The following PCDHGA6 variants were observed in gnomAD, a reference collection of about 807,000 sequenced individuals.
PCDHGA6 encodes the protein protocadherin gamma-A6.
A neutral mutation model predicts 60.6 loss-of-function variants in PCDHGA6; 41 were observed. The observed-to-expected ratio is 0.68, with a 90% confidence interval of 0.53 to 0.88. PCDHGA6 has a LOEUF of 0.88. PCDHGA6 is among the 40% of genes least tolerant of loss of function. The pLI, the probability that PCDHGA6 is intolerant of heterozygous loss-of-function variation, is 0.00. For missense variants in PCDHGA6, 1,312 were observed against 1,203.0 expected (o/e 1.09, Z -1.34); for synonymous variants, 594 against 524.4 (o/e 1.13, Z -1.81).
At chr5:141,405,047 G>A in intron 1 of PCDHGA6, 4 of 1,613,944 alleles carry the variant, frequency 2.5e-6, no homozygotes, top group Non-Finnish European at 2.5e-6. Context: ...GGCTGTGGCA[G>A]TCGTCTCCTG....
At chr5:141,392,979 C>T (rs1356713892) in intron 1 of PCDHGA6, 4 of 1,613,718 alleles carry the variant, frequency 2.5e-6, no homozygotes, top group Admixed American at 1.7e-5. Context: ...GGGGCTGGAC[C>T]CCCGGAAGCT....
At chr5:141,449,021 C>T (rs897401758) in intron 1 of PCDHGA6, among the ~76,000 whole-genome samples, 3 of 152,104 alleles carry the variant, frequency 2.0e-5, no homozygotes, top group Non-Finnish European at 4.4e-5. Context: ...AGTTGCTTAG[C>T]ATTCCTTTGG....
intron 1 of PCDHGA6, chr5:141,413,201 A>G (rs746209535): frequency 1.9e-6 from 3 of 1,611,954 alleles, no homozygotes; most frequent in Non-Finnish European, 2.5e-6. Context: ...AATCGCTCAA[A>G]GGAATCAAAG....
chr5:141,376,631 G>A (rs1250313764), intron 1 of PCDHGA6, 124 bp downstream of exon 1: 5 of 1,182,416 alleles, frequency 4.2e-6, no homozygotes, highest in East Asian at 2.7e-5. Context: ...AGGAAGATTC[G>A]TGATTTTGTA....
chr5:141,389,456 C>T, intron 1 of PCDHGA6: 1 of 1,613,332 alleles, frequency 6.2e-7, no homozygotes, highest in South Asian at 1.1e-5. Context: ...AGCAGCTGCG[C>T]GCCTTCGAAC....
At chr5:141,471,892 T>C (rs1429425311) in intron 1 of PCDHGA6, among the ~76,000 whole-genome samples, 1 of 152,166 alleles carries the variant, frequency 6.6e-6, no homozygotes, top group Admixed American at 6.6e-5. Context: ...GCTAGGAAGA[T>C]TGACTACAGA....
chr5:141,490,151 T>C lies in PCDHGA6; in HGVS notation c.2425-4656T>C, dbSNP rs1449636059. The stretch of plus-strand genomic sequence containing the variant: ...GACCCTAGCAGTGGGGCAATCCATG[T>C]GTTGGGTCCCATAGACTTTGAGGAG... On this transcript the variant is annotated intron_variant, in intron 1 of 3. Transcript: ENST00000517434. The surrounding 1 kb of genome is among the most constrained non-coding windows in gnomAD (Gnocchi z 5.4). 4 of 1,614,210 alleles carry C rather than the reference T, an allele frequency of 2.5e-6. No homozygotes were observed. The highest frequency in any genetic ancestry group is 3.4e-6 in the Non-Finnish European group (4 of 1,180,018).
At position 141,403,108 on chromosome 5, in the gene PCDHGA6, G is replaced by A. The variant is rs189164879; in HGVS notation, c.2424+26601G>A. The A allele has an allele frequency of 2.7e-5, 43 of 1,614,086 alleles. No homozygotes were observed. In the African/African-American group the frequency reaches 5.1e-4, roughly 19 times the overall value. ...TTGTGGGCAACATCTCCAAGGACCT[G>A]GCTCTGGAGCCCCGGGAGCTGGCGG... On this transcript the variant is annotated intron_variant, in intron 1 of 3. Coordinates refer to ENST00000517434, the MANE Select transcript of PCDHGA6 (RefSeq NM_018919.3).
At chr5:141,395,351 G>A (rs2093220052) in intron 1 of PCDHGA6, 1 of 1,366,364 alleles carries the variant, frequency 7.3e-7, no homozygotes, top group East Asian at 2.5e-5. Context: ...GTGTATCACA[G>A]AGTTTTGGGT....
In PCDHGA6 at chr5:141,427,684, C is replaced by T. The variant is rs765112627; in HGVS notation, c.2424+51177C>T. 3.6e-6 allele frequency: 3 copies of T among 841,720 alleles called. No individual in the cohort carries two copies. In the Admixed American group the frequency reaches 5.8e-5, roughly 16 times the overall value. 52.1% of individuals were successfully genotyped at this position (841,720 alleles called of 1,614,324 possible). A position where few individuals can be genotyped will look rare whatever the true frequency, so the allele number is the denominator to read the frequency against. On this transcript the variant is annotated intron_variant, in intron 1 of 3. Transcript: ENST00000517434. The stretch of plus-strand genomic sequence containing the variant: ...GTGGCCGAAAACAACCTTCCCGGAG[C>T]CTCCATCCCACAAGTCAGCGCCTCT...
Position 141,476,416 on chromosome 5 carries a change from A to G in PCDHGA6, c.2425-18391A>G. On this transcript the variant is annotated intron_variant, in intron 1 of 3. Coordinates refer to ENST00000517434, the MANE Select transcript of PCDHGA6 (RefSeq NM_018919.3). The surrounding 1 kb of genome is among the most constrained non-coding windows in gnomAD (Gnocchi z 7.6). ...TGGATCGAGAGGAGCTGTGTGGGAC[A>G]CTGCCCTCTTGCACTGTAACTCTGG... 1 of 1,614,056 alleles carries G rather than the reference A, an allele frequency of 6.2e-7. No individual in the cohort carries two copies. The highest frequency in any genetic ancestry group is 8.5e-7 in the Non-Finnish European group (1 of 1,179,994).
intron 1 of PCDHGA6, among the ~76,000 whole-genome samples, chr5:141,382,313 T>G (rs1490254305): frequency 1.3e-5 from 2 of 152,226 alleles, no homozygotes; most frequent in African/African-American, 4.8e-5. Flanking sequence ...TTATATACAC[T>G]GATGTAAATA....
intron 1 of PCDHGA6, chr5:141,423,684 T>G (rs201506477): frequency 6.6e-7 from 1 of 1,524,756 alleles, no homozygotes; most frequent in Non-Finnish European, 8.8e-7. Context: ...CTCTGCCTCC[T>G]AATTGTTGGT....
intron 1 of PCDHGA6, chr5:141,384,203 A>T (rs568171038): frequency 6.2e-7 from 1 of 1,613,900 alleles, no homozygotes; most frequent in African/African-American, 1.3e-5. Context: ...TTGTCCAGGG[A>T]AACTCACATA....
At chr5:141,394,430 C>T (rs2150569215) in intron 1 of PCDHGA6, 1 of 1,614,244 alleles carries the variant, frequency 6.2e-7, no homozygotes, top group African/African-American at 1.3e-5. Context: ...ACAGCGGGGA[C>T]CCGCCCCTCA....
chr5:141,431,976 C>T lies in PCDHGA6; in HGVS notation c.2424+55469C>T, dbSNP rs2097433306. ...TACGGAAATTACTATAGTTTAGTCACAGACATAGTCTTGGATAGGGAACAG... is the reference window on the plus strand; with the variant it reads ...TACGGAAATTACTATAGTTTAGTCATAGACATAGTCTTGGATAGGGAACAG... On this transcript the variant is annotated intron_variant, in intron 1 of 3. Transcript: ENST00000517434. This position sits in a 1 kb window ranked among gnomAD's most constrained non-coding sequence, Gnocchi z 4.8. 6.2e-7 allele frequency: 1 copy of T among 1,614,078 alleles called. No individual in the cohort carries two copies. The highest frequency in any genetic ancestry group is 1.3e-5 in the African/African-American group (1 of 74,934).
At chr5:141,436,764 A>G (rs1248797699) in intron 1 of PCDHGA6, among the ~76,000 whole-genome samples, 1 of 152,214 alleles carries the variant, frequency 6.6e-6, no homozygotes, top group East Asian at 1.9e-4. Flanking sequence ...GGTATAATGG[A>G]ATGATTTGTG....
At chr5:141,460,546 C>A (rs182506898) in intron 1 of PCDHGA6, among the ~76,000 whole-genome samples, 51 of 152,152 alleles carry the variant, frequency 3.4e-4, no homozygotes, top group African/African-American at 1.1e-3. Context: ...GCACCTTAAT[C>A]AAAAATCATT....
intron 1 of PCDHGA6, among the ~76,000 whole-genome samples, chr5:141,397,434 A>G (rs1343347268): frequency 1.3e-5 from 2 of 152,238 alleles, no homozygotes; most frequent in African/African-American, 4.8e-5. Context: ...TTTCCCTAAT[A>G]TGTGTAATAT....
Sources: gnomAD v4.1 joint callset for allele counts (sites outside exome capture counted in the v4.1 genomes callset) on GRCh38, gnomAD v4.1.1 for gene constraint, Gnocchi (gnomAD v3.1) non-coding constraint, MANE v1.5 for transcripts, NCBI Gene and HGNC (gene_info 2026-07-23, HGNC 2026-07-21) for gene names.